Variants in NAALADL2 observed in about 807,000 individuals in gnomAD.
NAALADL2 encodes inactive N-acetylated-alpha-linked acidic dipeptidase-like protein 2.
Under a neutral mutation model 87.2 loss-of-function variants are expected in NAALADL2, and 76 were observed. The ratio of observed to expected loss-of-function variants is 0.87; its 90% CI spans 0.72 to 1.05. The LOEUF is 1.05. Ranked by LOEUF, NAALADL2 falls within the 50% of genes least tolerant of loss-of-function variation. NAALADL2 has a pLI of 0.00. For missense variants in NAALADL2, 1,089 were observed against 945.8 expected (o/e 1.15, Z -1.99); for synonymous variants, 354 against 331.0 (o/e 1.07, Z -0.75).
At chr3:175,491,749 G>A (rs1425566257) in intron 9 of NAALADL2, among the ~76,000 whole-genome samples, 1 of 152,214 alleles carries the variant, frequency 6.6e-6, no homozygotes, top group African/African-American at 2.4e-5. Context: ...TTACCTGAGA[G>A]GCTATAGAGA....
chr3:175,423,028 A>AAAAAAAAAAAAT (rs1438736874), intron 5 of NAALADL2, among the ~76,000 whole-genome samples: 3 of 111,320 alleles, frequency 2.7e-5, no homozygotes, highest in African/African-American at 1.2e-4. Flanking sequence ...GAAAAAAAAA[A>AAAAAAAAAAAAT]ATATATATAT....
At chr3:175,618,344 G>A (rs1465493390) in intron 10 of NAALADL2, among the ~76,000 whole-genome samples, 1 of 152,152 alleles carries the variant, frequency 6.6e-6, no homozygotes, top group Non-Finnish European at 1.5e-5. Context: ...GATCAGACAA[G>A]CTTGAGAGAC....
intron 9 of NAALADL2, among the ~76,000 whole-genome samples, chr3:175,491,776 A>AC (rs1295806069): frequency 3.3e-5 from 5 of 152,184 alleles, no homozygotes; most frequent in African/African-American, 1.2e-4. Flanking sequence ...AGCTGTCAGC[A>AC]CCTACAATCT....
chr3:175,535,454 C>A (rs9835645), intron 9 of NAALADL2, among the ~76,000 whole-genome samples: 1 of 151,994 alleles, frequency 6.6e-6, no homozygotes, highest in African/African-American at 2.4e-5. Context: ...GTTTATTTGA[C>A]AGACAGTATA....
chr3:175,405,276 C>T (rs964996496), intron 5 of NAALADL2, among the ~76,000 whole-genome samples: 2 of 152,052 alleles, frequency 1.3e-5, no homozygotes, highest in Non-Finnish European at 1.5e-5. Flanking sequence ...ATAAGACCCT[C>T]TTATAATTCA....
intron 3 of NAALADL2, among the ~76,000 whole-genome samples, chr3:174,744,899 T>A (rs995754164): frequency 6.6e-6 from 1 of 151,982 alleles, no homozygotes; most frequent in Non-Finnish European, 1.5e-5. Context: ...TTGAAACCAG[T>A]GAGAACAAAG....
chr3:175,253,854 G>T lies in NAALADL2; in HGVS notation c.820-2557G>T, dbSNP rs115202155. 6.0e-3 allele frequency among the ~76,000 whole-genome samples: 919 copies of T among 152,264 alleles called. 15 individuals are homozygous for T. The highest frequency in any genetic ancestry group is 0.021 in the African/African-American group (879 of 41,558). ...AATAGCAAGGAAACTAGAATTTGAAGTTGAACCTGAAGATGTGACTAAATT... is the reference window on the plus strand; with the variant it reads ...AATAGCAAGGAAACTAGAATTTGAATTTGAACCTGAAGATGTGACTAAATT... On this transcript the variant is annotated intron_variant, in intron 3 of 13. Coordinates refer to ENST00000454872, the MANE Select transcript of NAALADL2 (RefSeq NM_207015.3).
At chr3:174,765,553 A>T (rs1268279402) in intron 3 of NAALADL2, among the ~76,000 whole-genome samples, 1 of 152,162 alleles carries the variant, frequency 6.6e-6, no homozygotes, top group African/African-American at 2.4e-5. Context: ...GAGGTAGGTT[A>T]TATATGAATA....
intron 3 of NAALADL2, among the ~76,000 whole-genome samples, chr3:174,797,959 T>C (rs1012957808): frequency 6.6e-6 from 1 of 152,208 alleles, no homozygotes; most frequent in Non-Finnish European, 1.5e-5. Context: ...TTTACTTCTA[T>C]GTATGTATCT....
chr3:174,882,067 G>T (rs1224837064), intron 1 of NAALADL2, among the ~76,000 whole-genome samples: 1 of 152,104 alleles, frequency 6.6e-6, no homozygotes, highest in Non-Finnish European at 1.5e-5. Context: ...TTGAGAATAA[G>T]TCAGAAAAGA....
intron 3 of NAALADL2, among the ~76,000 whole-genome samples, chr3:174,814,673 A>C (rs1432469968): frequency 6.6e-6 from 1 of 152,174 alleles, no homozygotes; most frequent in Admixed American, 6.6e-5. Context: ...TTTAAGTACT[A>C]CTATCAGAAT....
intron 3 of NAALADL2, among the ~76,000 whole-genome samples, chr3:174,829,601 C>T (rs1181308000): frequency 7.0e-6 from 1 of 143,108 alleles, no homozygotes; most frequent in African/African-American, 2.7e-5. Context: ...TTTATAGCAG[C>T]ATGATTTATA....
At chr3:175,063,601 C>G (rs1474979384) in intron 1 of NAALADL2, among the ~76,000 whole-genome samples, 1 of 152,052 alleles carries the variant, frequency 6.6e-6, no homozygotes, top group Non-Finnish European at 1.5e-5. Flanking sequence ...CTTAGCCTCC[C>G]CAGTAGTTGA....
At chr3:175,342,281 A>G (rs745503968) in intron 5 of NAALADL2, among the ~76,000 whole-genome samples, 1 of 152,148 alleles carries the variant, frequency 6.6e-6, no homozygotes, top group East Asian at 1.9e-4. Context: ...AATCACAAGC[A>G]CTGAGATAAA....
At chr3:175,062,428 G>A (rs1713684767) in intron 1 of NAALADL2, among the ~76,000 whole-genome samples, 1 of 151,314 alleles carries the variant, frequency 6.6e-6, no homozygotes, top group African/African-American at 2.4e-5. Flanking sequence ...TTGTAATAAT[G>A]ATTGTTATCA....
chr3:174,624,145 T>C (rs963075152), intron 2 of NAALADL2, among the ~76,000 whole-genome samples: 2 of 151,976 alleles, frequency 1.3e-5, no homozygotes, highest in Admixed American at 6.6e-5. Context: ...AAACATCATA[T>C]CTCATTTCCT....
chr3:174,584,780 T>C (rs1338745330), intron 2 of NAALADL2, among the ~76,000 whole-genome samples: 1 of 152,154 alleles, frequency 6.6e-6, no homozygotes, highest in African/African-American at 2.4e-5. Flanking sequence ...TGTGTATAAA[T>C]TGAAGCTCTA....
intron 3 of NAALADL2, among the ~76,000 whole-genome samples, chr3:174,838,021 G>GAAAAAAAAAAAAA (rs77681462): frequency 2.8e-5 from 2 of 71,936 alleles, no homozygotes; most frequent in Non-Finnish European, 5.7e-5. Flanking sequence ...AACCAAAAAA[G>GAAAAAAAAAAAAA]AAAAAAAAAA....
intron 1 of NAALADL2, among the ~76,000 whole-genome samples, chr3:174,541,586 T>C (rs888073392): frequency 6.6e-6 from 1 of 152,220 alleles, no homozygotes; most frequent in African/African-American, 2.4e-5. Flanking sequence ...CTGGATGCTA[T>C]GAAACATTTT....
Sources: allele counts gnomAD v4.1 joint callset (sites outside exome capture counted in the v4.1 genomes callset), GRCh38; gene constraint gnomAD v4.1.1; transcripts MANE v1.5; gene names NCBI Gene and HGNC (gene_info 2026-07-23, HGNC 2026-07-21).